DOK6: variants seen among roughly 807,000 people sequenced by gnomAD.
DOK6 encodes docking protein 6.
In DOK6, 22 loss-of-function variants were observed where a neutral mutation model predicts 44.0. The ratio of observed to expected loss-of-function variants is 0.50; its 90% CI spans 0.36 to 0.71. The LOEUF (loss-of-function observed/expected upper bound fraction) is 0.71, where lower values mean the gene tolerates loss of function less well. Among genes scored for constraint, DOK6 ranks in the 30% least tolerant of loss-of-function variants. The probability of loss-of-function intolerance (pLI) is 0.00; values close to 1 mark genes in which losing one functional copy is unlikely to be tolerated. For synonymous variants in DOK6, 166 were observed against 145.5 expected (o/e 1.14, Z -1.01); for missense variants, 340 against 416.4 (o/e 0.82, Z 1.60).
chr18:69,613,053 T>A (rs1984200443), intron 3 of DOK6, among the ~76,000 whole-genome samples: 2 of 152,058 alleles, frequency 1.3e-5, no homozygotes, highest in South Asian at 4.1e-4. Flanking sequence ...GTACTTTTTG[T>A]ATAGATGGGG....
intron 5 of DOK6, among the ~76,000 whole-genome samples, chr18:69,706,110 C>G (rs778130692): frequency 2.6e-4 from 39 of 152,260 alleles, no homozygotes; most frequent in Non-Finnish European, 3.8e-4. Flanking sequence ...CTGGGGTAAC[C>G]ATTTGTGTTG....
chr18:69,458,614 C>CA (rs1351663217), intron 1 of DOK6, among the ~76,000 whole-genome samples: 2 of 152,128 alleles, frequency 1.3e-5, no homozygotes, highest in East Asian at 3.9e-4. Context: ...TCTTCACTAT[C>CA]AATATCTACA....
intron 3 of DOK6, among the ~76,000 whole-genome samples, chr18:69,600,042 T>C (rs920189721): frequency 6.6e-6 from 1 of 152,228 alleles, no homozygotes; most frequent in African/African-American, 2.4e-5. Context: ...GAACTTGCAG[T>C]ATTTTTCATG....
chr18:69,620,455 T>A (rs747663323), intron 3 of DOK6, among the ~76,000 whole-genome samples: 4 of 152,188 alleles, frequency 2.6e-5, no homozygotes, highest in Non-Finnish European at 4.4e-5. Flanking sequence ...CCTTTAAGCA[T>A]TTAGTATGAT....
chr18:69,469,550 G>A lies in DOK6; in HGVS notation c.66+68240G>A, dbSNP rs1366945553. Reference sequence around the variant, plus strand: ...AGCAGATAGCTCAGGGGAGACTGACGTCATCTACTTACTCATCATCTGCCG... The same window carrying A: ...AGCAGATAGCTCAGGGGAGACTGACATCATCTACTTACTCATCATCTGCCG... On this transcript the variant is annotated intron_variant, in intron 1 of 7. Transcript: ENST00000382713. The A allele has an allele frequency of 4.7e-5, 8 of 169,688 alleles. No homozygotes were observed. The East Asian group carries it at 1.5e-3, about 32-fold the overall frequency. 10.5% of individuals were successfully genotyped at this position (169,688 alleles called of 1,614,324 possible). A position where few individuals can be genotyped will look rare whatever the true frequency, so the allele number is the denominator to read the frequency against.
rs1419074223 is a variant in DOK6 at position 69,753,067 on chromosome 18, C to T, written c.739-4689C>T. On this transcript the variant is annotated intron_variant, in intron 6 of 7. Coordinates refer to ENST00000382713, the MANE Select transcript of DOK6 (RefSeq NM_152721.6). ...ACAAAAGTGCAAAGCCAGAGTGACACAGGACTCATTGTTTCCTAAAAATGA... is the reference window on the plus strand; with the variant it reads ...ACAAAAGTGCAAAGCCAGAGTGACATAGGACTCATTGTTTCCTAAAAATGA... Among the ~76,000 whole-genome samples the T allele has an allele frequency of 2.0e-5, 3 of 152,278 alleles. No individual in the cohort carries two copies. In the East Asian group the frequency reaches 5.8e-4, roughly 29 times the overall value.
intron 2 of DOK6, among the ~76,000 whole-genome samples, chr18:69,570,193 A>C (rs1405305750): frequency 6.6e-6 from 1 of 152,186 alleles, no homozygotes; most frequent in Admixed American, 6.5e-5. Context: ...AGCCTAAAAT[A>C]AAAGTTAAAC....
chr18:69,536,557 T>C (rs1982127930), intron 1 of DOK6, among the ~76,000 whole-genome samples: 2 of 152,170 alleles, frequency 1.3e-5, no homozygotes, highest in South Asian at 4.1e-4. Context: ...TCATAGTTAT[T>C]TCTGGTTGAC....
intron 2 of DOK6, among the ~76,000 whole-genome samples, chr18:69,585,974 T>TGTC (rs1983490015): frequency 3.3e-5 from 5 of 152,324 alleles, no homozygotes; most frequent in Admixed American, 3.3e-4. Context: ...CTCAAGCTGT[T>TGTC]GTCAGTGTTT....
intron 5 of DOK6, chr18:69,704,923 G>A (rs1287438576): frequency 6.6e-6 from 1 of 150,492 alleles, no homozygotes; most frequent in Admixed American, 6.6e-5. Flanking sequence ...GGAAAGTTTG[G>A]GAGGCAAGCA....
At chr18:69,618,788 C>G (rs187831483) in intron 3 of DOK6, 1 of 152,264 alleles carries the variant, frequency 6.6e-6, no homozygotes, top group Non-Finnish European at 1.5e-5. Flanking sequence ...AGCTACAATT[C>G]AAGATGAGAT....
At chr18:69,831,376 C>T (rs1464585103) in intron 7 of DOK6, among the ~76,000 whole-genome samples, 1 of 152,190 alleles carries the variant, frequency 6.6e-6, no homozygotes, top group African/African-American at 2.4e-5. Flanking sequence ...CAAATACCTA[C>T]ACAGACACAC....
intron 1 of DOK6, among the ~76,000 whole-genome samples, chr18:69,501,332 G>C (rs141056645): frequency 6.6e-6 from 1 of 151,944 alleles, no homozygotes; most frequent in East Asian, 1.9e-4. Context: ...ATCAAGCTCC[G>C]AATAAAAGAG....
intron 1 of DOK6, among the ~76,000 whole-genome samples, chr18:69,505,098 A>G (rs2144551291): frequency 6.6e-6 from 1 of 152,364 alleles, no homozygotes; most frequent in East Asian, 1.9e-4. Context: ...TAGTTCCCAC[A>G]GTCCACAGTC....
intron 7 of DOK6, among the ~76,000 whole-genome samples, chr18:69,798,416 A>G (rs1480105373): frequency 6.6e-6 from 1 of 152,140 alleles, no homozygotes; most frequent in Non-Finnish European, 1.5e-5. Context: ...ATAATTCATT[A>G]AGCTATCATT....
chr18:69,404,399 C>A (rs1916159005), intron 1 of DOK6, among the ~76,000 whole-genome samples: 1 of 152,168 alleles, frequency 6.6e-6, no homozygotes, highest in East Asian at 1.9e-4. Flanking sequence ...AGCAAAATAT[C>A]CAGTCAGTTT....
At chr18:69,674,106 G>GA (rs1985867509) in intron 3 of DOK6, among the ~76,000 whole-genome samples, 1 of 152,004 alleles carries the variant, frequency 6.6e-6, no homozygotes, top group South Asian at 2.1e-4. Flanking sequence ...AATAGTGATA[G>GA]AAAAAAATTA....
At chr18:69,709,247 C>T (rs1986705027) in intron 5 of DOK6, among the ~76,000 whole-genome samples, 1 of 152,070 alleles carries the variant, frequency 6.6e-6, no homozygotes, top group Non-Finnish European at 1.5e-5. Context: ...GGCTTGAAAT[C>T]TAATGAGTGC....
At chr18:69,715,690 CAG>C (rs1391012794) in intron 5 of DOK6, among the ~76,000 whole-genome samples, 1 of 152,226 alleles carries the variant, frequency 6.6e-6, no homozygotes, top group African/African-American at 2.4e-5. Flanking sequence ...TTCTGTGTGG[CAG>C]ACTCATGCTC....
Sources: gnomAD v4.1 joint callset for allele counts (sites outside exome capture counted in the v4.1 genomes callset) on GRCh38, gnomAD v4.1.1 for gene constraint, MANE v1.5 for transcripts, NCBI Gene and HGNC (gene_info 2026-07-23, HGNC 2026-07-21) for gene names.